Variants in INSL6 observed in about 807,000 individuals in gnomAD.
INSL6 encodes insulin-like peptide INSL6.
Under a neutral mutation model 9.4 loss-of-function variants are expected in INSL6, and 16 were observed. The ratio of observed to expected loss-of-function variants is 1.70; its 90% confidence interval spans 1.15 to 2.59. The LOEUF is 2.59. INSL6 is among the 30% of genes most tolerant of loss of function. The pLI is 0.00. For missense variants in INSL6, 391 were observed against 257.3 expected, an observed-to-expected ratio of 1.52 and a Z score of -3.56; for synonymous variants, 154 against 96.9, an observed-to-expected ratio of 1.59 and a Z score of -3.46.
At chr9:5,171,611 G>A (rs1434987152) in intron 1 of INSL6, among the ~76,000 whole-genome samples, 1 of 152,150 alleles carries the variant, frequency 6.6e-6, no homozygotes, top group Non-Finnish European at 1.5e-5. Context: ...CTGCTCAAAA[G>A]CTTCTTAAGC....
At chr9:5,126,451 C>CA in intron 3 of INSL6, 1 of 1,576,904 alleles carries the variant, frequency 6.3e-7, no homozygotes, top group East Asian at 2.2e-5. Context: ...GATGAGGTAA[C>CA]AATTTTTTTT....
chr9:5,144,807 T>C (rs1824570440), intron 2 of INSL6, among the ~76,000 whole-genome samples: 1 of 152,222 alleles, frequency 6.6e-6, no homozygotes, highest in Non-Finnish European at 1.5e-5. Context: ...ATTTTTGTTT[T>C]CCATTTCCTT....
chr9:5,024,444 C>T, the INSL6 span, among the ~76,000 whole-genome samples: 78 of 152,012 alleles, frequency 5.1e-4, no homozygotes, highest in African/African-American at 1.8e-3. Context: ...CAGTGTTTAC[C>T]CAGTCCATTT....
chr9:5,143,065 C>G (rs944398205), intron 2 of INSL6, among the ~76,000 whole-genome samples: 1 of 152,076 alleles, frequency 6.6e-6, no homozygotes, highest in Admixed American at 6.6e-5. Flanking sequence ...GATTGATTAG[C>G]TTTTTGATGT....
the INSL6 span, chr9:5,050,798 A>C: frequency 6.2e-7 from 1 of 1,613,798 alleles, no homozygotes; most frequent in East Asian, 2.2e-5. Context: ...AAAGAAAACG[A>C]TCAAACCCCA....
intron 2 of INSL6, among the ~76,000 whole-genome samples, chr9:5,145,761 G>C (rs1487742098): frequency 3.3e-5 from 5 of 152,130 alleles, no homozygotes. Flanking sequence ...ACTTGGGATT[G>C]CATTATGAAA....
chr9:5,154,230 C>A (rs1245907306), intron 2 of INSL6, among the ~76,000 whole-genome samples: 3 of 152,166 alleles, frequency 2.0e-5, no homozygotes, highest in African/African-American at 7.2e-5. Flanking sequence ...GGAAAGGATT[C>A]CTTATTTAAT....
At chr9:5,019,035 G>A in the INSL6 span, among the ~76,000 whole-genome samples, 1 of 152,226 alleles carries the variant, frequency 6.6e-6, no homozygotes, top group South Asian at 2.1e-4. Flanking sequence ...GTGTTGTGGA[G>A]AACCTGTTGG....
the INSL6 span, among the ~76,000 whole-genome samples, chr9:5,113,172 T>A: frequency 6.8e-6 from 1 of 147,296 alleles, no homozygotes; most frequent in African/African-American, 2.6e-5. Flanking sequence ...CTTGGCCCTG[T>A]TGTCTGGGCT....
At chr9:5,016,381 A>T in the INSL6 span, among the ~76,000 whole-genome samples, 1 of 152,148 alleles carries the variant, frequency 6.6e-6, no homozygotes, top group African/African-American at 2.4e-5. Context: ...ATGAGGAGGG[A>T]CACCACAGAC....
At chr9:5,172,336 A>G (rs1050260553) in intron 1 of INSL6, among the ~76,000 whole-genome samples, 2 of 152,240 alleles carry the variant, frequency 1.3e-5, no homozygotes, top group African/African-American at 2.4e-5. Context: ...ACTTAACTGT[A>G]AAACCAAAAC....
chr9:5,086,028 C>G, the INSL6 span: 11 of 785,246 alleles, frequency 1.4e-5, no homozygotes, highest in Non-Finnish European at 2.3e-5. Context: ...TACATTTGGA[C>G]AGGCAGGTGT....
chr9:5,029,871 T>C, the INSL6 span: 1 of 1,612,728 alleles, frequency 6.2e-7, no homozygotes. Context: ...TCCATATAGA[T>C]GAGTCAACCA....
intron 1 of INSL6, among the ~76,000 whole-genome samples, chr9:5,171,055 A>G (rs886366401): frequency 2.0e-5 from 3 of 152,176 alleles, no homozygotes; most frequent in African/African-American, 7.2e-5. Flanking sequence ...TCAGGCCAAT[A>G]TTCCTGAAGT....
chr9:5,077,757 C>T, the INSL6 span, among the ~76,000 whole-genome samples: 14 of 152,158 alleles, frequency 9.2e-5, no homozygotes, highest in African/African-American at 3.4e-4. Context: ...TATGTAAAAT[C>T]ACTTTTGAAA....
chr9:5,023,631 C>G, the INSL6 span, among the ~76,000 whole-genome samples: 3 of 152,220 alleles, frequency 2.0e-5, no homozygotes, highest in Non-Finnish European at 4.4e-5. Flanking sequence ...TGTGGAGTCT[C>G]TCCTAGCTTC....
At chr9:5,182,492 G>C (rs1249802364) in intron 1 of INSL6, among the ~76,000 whole-genome samples, 1 of 151,930 alleles carries the variant, frequency 6.6e-6, no homozygotes, top group Non-Finnish European at 1.5e-5. Context: ...CTATTCTGTA[G>C]GCTTCATGAG....
At chr9:5,165,069 G>C (rs1346582935) in intron 1 of INSL6, among the ~76,000 whole-genome samples, 1 of 152,142 alleles carries the variant, frequency 6.6e-6, no homozygotes, top group African/African-American at 2.4e-5. Context: ...AAATTAGCCA[G>C]GCATGGTGGT....
the INSL6 span, among the ~76,000 whole-genome samples, chr9:5,105,997 G>A: frequency 3.4e-5 from 3 of 88,110 alleles, no homozygotes; most frequent in South Asian, 1.3e-3. Context: ...CAGGACATAG[G>A]TGTGGGCAAG....
Sources: allele counts gnomAD v4.1 joint callset (sites outside exome capture counted in the v4.1 genomes callset), GRCh38; gene constraint gnomAD v4.1.1; transcripts MANE v1.5; gene names NCBI Gene and HGNC (gene_info 2026-07-23, HGNC 2026-07-21).